The following WDR64 variants were observed in gnomAD, a reference collection of about 807,000 sequenced individuals.
WDR64 encodes WD repeat domain 64.
In WDR64, 112 loss-of-function variants were observed where a neutral mutation model predicts 139.3. The observed-to-expected ratio is 0.80, with a 90% CI of 0.69 to 0.94. WDR64 has a LOEUF of 0.94. WDR64 is among the 40% of genes least tolerant of loss of function. The pLI is 0.00. For missense variants in WDR64, 1,206 were observed against 1,293.1 expected, an observed-to-expected ratio of 0.93 and a Z score of 1.03; for synonymous variants, 444 against 437.7, an observed-to-expected ratio of 1.01 and a Z score of -0.18.
intron 10 of WDR64, among the ~76,000 whole-genome samples, chr1:241,731,936 A>T (rs1669096124): frequency 6.6e-6 from 1 of 152,212 alleles, no homozygotes; most frequent in Non-Finnish European, 1.5e-5. Context: ...CTGTACTGTC[A>T]TACTGTCATA....
intron 11 of WDR64, 46 bp from the exon 12 acceptor site, chr1:241,741,470 A>C (rs1378598927): frequency 3.9e-6 from 6 of 1,532,342 alleles, no homozygotes; most frequent in Non-Finnish European, 5.2e-6. Context: ...TTGTGATTAG[A>C]AACTTCTAAT....
At chr1:241,739,018 G>C (rs1023865015) in intron 11 of WDR64, among the ~76,000 whole-genome samples, 1 of 152,166 alleles carries the variant, frequency 6.6e-6, no homozygotes, top group Non-Finnish European at 1.5e-5. Context: ...CTGCAGTGAG[G>C]AAATTTGGGC....
intron 21 of WDR64, among the ~76,000 whole-genome samples, chr1:241,777,574 C>T (rs1478861904): frequency 2.9e-5 from 3 of 104,426 alleles, no homozygotes; most frequent in South Asian, 2.2e-4. Flanking sequence ...CCTGACACCA[C>T]GGCCAGCTAA....
At chr1:241,768,948 A>G (rs1307972337) in intron 16 of WDR64, among the ~76,000 whole-genome samples, 1 of 152,110 alleles carries the variant, frequency 6.6e-6, no homozygotes, top group East Asian at 1.9e-4. Context: ...CTTATTTAAA[A>G]AATATTAGAA....
At chr1:241,665,574 G>A (rs370413237) in intron 2 of WDR64, among the ~76,000 whole-genome samples, 4 of 152,058 alleles carry the variant, frequency 2.6e-5, no homozygotes, top group East Asian at 1.9e-4. Context: ...AAAGACACTC[G>A]GAGAATTTGA....
intron 15 of WDR64, among the ~76,000 whole-genome samples, chr1:241,759,365 CT>C (rs1480798825): frequency 6.6e-6 from 1 of 152,056 alleles, no homozygotes; most frequent in Non-Finnish European, 1.5e-5. Context: ...GTATTGTGTT[CT>C]TAAAATTCAG....
chr1:241,731,392 A>G (rs1669072757), intron 10 of WDR64, among the ~76,000 whole-genome samples: 1 of 152,168 alleles, frequency 6.6e-6, no homozygotes, highest in Non-Finnish European at 1.5e-5. Context: ...ATGTCCTAAC[A>G]TAGATGTAAG....
chr1:241,661,905 C>T (rs547061872), intron 2 of WDR64, among the ~76,000 whole-genome samples: 88 of 152,286 alleles, frequency 5.8e-4, no homozygotes, highest in Middle Eastern at 3.4e-3. Flanking sequence ...AAACTGGCCA[C>T]GGTTGCTTCT....
chr1:241,776,180 G>C (rs762021974), intron 21 of WDR64, among the ~76,000 whole-genome samples: 2 of 151,992 alleles, frequency 1.3e-5, no homozygotes, highest in Non-Finnish European at 2.9e-5. Flanking sequence ...CTAGGTTCAA[G>C]CAATTCTTCT....
At chr1:241,728,144 CCAA>C (rs1403463324) in intron 10 of WDR64, among the ~76,000 whole-genome samples, 1 of 152,000 alleles carries the variant, frequency 6.6e-6, no homozygotes, top group Non-Finnish European at 1.5e-5. Flanking sequence ...ATCAGCCTGG[CCAA>C]CATGGTGGAA....
At chr1:241,652,708 G>A (rs777619566) in intron 1 of WDR64, 79 bp downstream of exon 1, 1 of 1,489,422 alleles carries the variant, frequency 6.7e-7, no homozygotes, top group Non-Finnish European at 9.0e-7. Flanking sequence ...TCAGAGAGAA[G>A]CATCAGAGCT....
Position 241,703,293 on chromosome 1 carries a change from G to A in WDR64, c.975-8509G>A, listed in dbSNP as rs1013312726. 5.9e-5 allele frequency among the ~76,000 whole-genome samples: 9 copies of A among 151,954 alleles called. No individual in the cohort carries two copies. Among genetic ancestry groups the A allele is most frequent in the South Asian group, 2.1e-4 (1 of 4,810 alleles). On this transcript the variant is annotated intron_variant, in intron 8 of 27. Transcript: ENST00000437684. This position sits in a 1 kb window ranked among gnomAD's most constrained non-coding sequence, Gnocchi z 5.9. Reference sequence around the variant, plus strand: ...TTCCATTCAGTGAACAACCCCTATCGTGTAACACATGCCCCCTGAAAAAAG... The same window carrying A: ...TTCCATTCAGTGAACAACCCCTATCATGTAACACATGCCCCCTGAAAAAAG...
At chr1:241,772,076 T>A (rs1449490029) in intron 19 of WDR64, among the ~76,000 whole-genome samples, 1 of 147,680 alleles carries the variant, frequency 6.8e-6, no homozygotes, top group Admixed American at 6.8e-5. Context: ...TCTTAAATAC[T>A]AATTCTAGGT....
At chr1:241,683,394 C>G in intron 6 of WDR64, 93 bp from the exon 7 acceptor site, 1 of 1,225,914 alleles carries the variant, frequency 8.2e-7, no homozygotes, top group South Asian at 1.4e-5. Context: ...CAATAAGAAA[C>G]AGCGGAAAGT....
At chr1:241,709,419 A>G (rs1396856385) in intron 8 of WDR64, among the ~76,000 whole-genome samples, 2 of 152,242 alleles carry the variant, frequency 1.3e-5, no homozygotes, top group Non-Finnish European at 2.9e-5. Context: ...CTTAGGTTCA[A>G]TATCTCAAAC....
chr1:241,779,690 C>T (rs979638279), intron 21 of WDR64, among the ~76,000 whole-genome samples: 1 of 151,934 alleles, frequency 6.6e-6, no homozygotes, highest in East Asian at 1.9e-4. Flanking sequence ...ATTAGCCGGG[C>T]GTGGTGGCAG....
intron 8 of WDR64, among the ~76,000 whole-genome samples, chr1:241,707,709 G>A (rs1238285943): frequency 6.6e-6 from 1 of 152,110 alleles, no homozygotes; most frequent in Non-Finnish European, 1.5e-5. Context: ...GCTCTGGGAC[G>A]CCATCCACAA....
At chr1:241,732,587 A>C (rs1231659730) in intron 10 of WDR64, among the ~76,000 whole-genome samples, 1 of 152,180 alleles carries the variant, frequency 6.6e-6, no homozygotes, top group Non-Finnish European at 1.5e-5. Context: ...TGGGAGGCTG[A>C]GGTGGGTGGA....
At chr1:241,795,151 T>A in intron 25 of WDR64, 56 bp from the exon 26 acceptor site, 1 of 1,507,852 alleles carries the variant, frequency 6.6e-7, no homozygotes, top group Non-Finnish European at 9.2e-7. Context: ...ACCCAGGTAT[T>A]TTACCAGTGA....
Sources: allele counts gnomAD v4.1 joint callset (sites outside exome capture counted in the v4.1 genomes callset), GRCh38; gene constraint gnomAD v4.1.1; non-coding constraint Gnocchi (gnomAD v3.1); transcripts MANE v1.5; gene names NCBI Gene and HGNC (gene_info 2026-07-23, HGNC 2026-07-21).